FOLH1: variants seen among roughly 807,000 people sequenced by gnomAD.
The protein encoded by FOLH1 is folate hydrolase 1.
A neutral mutation model predicts 93.9 loss-of-function variants in FOLH1; 54 were observed. The observed-to-expected ratio is 0.57, with a 90% CI of 0.46 to 0.72. The LOEUF (loss-of-function observed/expected upper bound fraction) is 0.72, where lower values mean the gene tolerates loss of function less well. Ranked by LOEUF, FOLH1 falls within the 30% of genes least tolerant of loss-of-function variation. The pLI is 0.00. For missense variants in FOLH1, 571 were observed against 892.5 expected (o/e 0.64, Z 4.59); for synonymous variants, 249 against 303.6 (o/e 0.82, Z 1.87).
At chr11:49,167,802 C>G (rs1302928054) in intron 12 of FOLH1, among the ~76,000 whole-genome samples, 1 of 151,558 alleles carries the variant, frequency 6.6e-6, no homozygotes, top group Non-Finnish European at 1.5e-5. Flanking sequence ...CGGAGTGAGA[C>G]CCTGACTCAA....
rs1860992636 is a variant in FOLH1 at position 49,183,248 on chromosome 11, A to T, written c.827-6T>A. The T allele has an allele frequency of 6.2e-7, 1 of 1,602,962 alleles. No individual in the cohort carries two copies. Among genetic ancestry groups the T allele is most frequent in the African/African-American group, 1.3e-5 (1 of 74,444 alleles). Reference sequence around the variant, plus strand: ...TCCACGCCTATAAGCATATTCTGAAAAAAAAAATTGCCATATTTCCAGTAA... The same window carrying T: ...TCCACGCCTATAAGCATATTCTGAATAAAAAAATTGCCATATTTCCAGTAA... On this transcript the variant is annotated splice_region_variant and splice_polypyrimidine_tract_variant and intron_variant, in intron 6 of 18. Coordinates refer to ENST00000256999, the MANE Select transcript of FOLH1 (RefSeq NM_004476.3).
intron 1 of FOLH1, chr11:49,206,386 T>G: frequency 1.1e-6 from 1 of 869,646 alleles, no homozygotes. Context: ...TTGCAAAATA[T>G]TTCTTATCCA....
In FOLH1 at chr11:49,168,361, G is replaced by A. The variant is rs1255312792; in HGVS notation, c.1372+834C>T. ...GTCAAGATATAGATATATTAGTGGA[G>A]CTGGATTGTAGTGAAAATGGACTCT... On this transcript the variant is annotated intron_variant, in intron 12 of 18. Coordinates refer to ENST00000256999, the MANE Select transcript of FOLH1 (RefSeq NM_004476.3). 2.6e-5 allele frequency among the ~76,000 whole-genome samples: 4 copies of A among 152,094 alleles called. No homozygotes were observed. The East Asian group carries it at 7.7e-4, about 29-fold the overall frequency.
In FOLH1 at chr11:49,208,343, C is replaced by A. The variant is rs2135370039; in HGVS notation, c.67G>T (p.Ala23Ser). The change falls in exon 1 of 19, where the codon GCT (alanine) becomes TCT (serine). Residue 23 changes from alanine to serine, a missense_variant. Ala to Ser is a moderately conservative substitution (Grantham distance 99). Coordinates refer to ENST00000256999, the MANE Select transcript of FOLH1 (RefSeq NM_004476.3). Reference sequence around the variant, plus strand: ...CCACCCGCCAGCACCAGCGCCCCAGCGCACAGCCAGCGCGGGCGGCGCGCG... The same window carrying A: ...CCACCCGCCAGCACCAGCGCCCCAGAGCACAGCCAGCGCGGGCGGCGCGCG... ...ATARRPRWLC[A>S]GALVLAGGFF... The A allele has an allele frequency of 4.4e-6, 7 of 1,600,154 alleles. No individual in the cohort carries two copies. In the East Asian group the frequency reaches 6.8e-5, roughly 15 times the overall value.
At chr11:49,185,988 A>C in intron 5 of FOLH1, 133 bp from the exon 6 acceptor site, 2 of 1,140,988 alleles carry the variant, frequency 1.8e-6, no homozygotes, top group Non-Finnish European at 2.3e-6. Flanking sequence ...GCCTACAACA[A>C]AGGACATCTC....
At chr11:49,178,854 T>A (rs1240994157) in intron 7 of FOLH1, among the ~76,000 whole-genome samples, 1 of 152,208 alleles carries the variant, frequency 6.6e-6, no homozygotes, top group Admixed American at 6.5e-5. Context: ...TCTTGTAGCA[T>A]ATTAATTTTG....
chr11:49,207,888 G>C (rs1187963717), intron 1 of FOLH1: 1 of 462,154 alleles, frequency 2.2e-6, no homozygotes, highest in Non-Finnish European at 4.3e-6. Context: ...CAGTTCCCAA[G>C]CTTGCCTCTG....
intron 11 of FOLH1, 89 bp downstream of exon 11, chr11:49,171,106 T>C: frequency 7.3e-7 from 1 of 1,373,008 alleles, no homozygotes; most frequent in South Asian, 1.7e-5. Flanking sequence ...TTTCTCATTA[T>C]ATTCACTTCT....
intron 4 of FOLH1, among the ~76,000 whole-genome samples, chr11:49,189,403 G>C (rs746816213): frequency 4.6e-5 from 7 of 152,136 alleles, no homozygotes; most frequent in Non-Finnish European, 2.9e-5. Context: ...TTGTTTCCAA[G>C]CTGATTCTAG....
chr11:49,161,263 T>C (rs1857663778), intron 13 of FOLH1, among the ~76,000 whole-genome samples: 1 of 152,204 alleles, frequency 6.6e-6, no homozygotes. Flanking sequence ...GGAGTCTAAG[T>C]CTCTTTGAAG....
chr11:49,169,326 T>C, intron 11 of FOLH1, 68 bp from the exon 12 acceptor site: 1 of 1,447,944 alleles, frequency 6.9e-7, no homozygotes, highest in Non-Finnish European at 9.6e-7. Flanking sequence ...AAAATGCACA[T>C]CTACATTTAA....
chr11:49,149,723 T>G (rs1333454430), intron 17 of FOLH1, among the ~76,000 whole-genome samples: 1 of 152,190 alleles, frequency 6.6e-6, no homozygotes, highest in African/African-American at 2.4e-5. Context: ...TTGTTGAGAT[T>G]TTTTCCACAT....
At chr11:49,173,006 G>A (rs185585581) in intron 10 of FOLH1, among the ~76,000 whole-genome samples, 61 of 152,248 alleles carry the variant, frequency 4.0e-4, no homozygotes, top group East Asian at 2.1e-3. Flanking sequence ...ACGGAGGAAC[G>A]TCTGCTTACA....
At position 49,146,789 on chromosome 11, in the gene FOLH1, C is replaced by T. The variant is rs1316211155; in HGVS notation, c.2220G>A (p.Gln740=). The stretch of plus-strand genomic sequence containing the variant: ...CTTCACTCAAAGTCTCTGCAGCTGC[C>T]TGCACTGTGAAGGCTGCAACATAAA... ...RQIYVAAFTV[Q]AAAETLSEVA Residue 740 remains glutamine (Q), a synonymous_variant, in exon 19 of 19, where the codon CAG becomes CAA. Coordinates refer to ENST00000256999, the MANE Select transcript of FOLH1 (RefSeq NM_004476.3). The T allele has an allele frequency of 4.3e-6, 7 of 1,613,236 alleles. No individual in the cohort carries two copies. Among genetic ancestry groups the T allele is most frequent in the Non-Finnish European group, 5.9e-6 (7 of 1,179,508 alleles).
chr11:49,148,565 C>T, intron 18 of FOLH1, 74 bp downstream of exon 18: 2 of 1,132,728 alleles, frequency 1.8e-6, no homozygotes, highest in African/African-American at 1.6e-5. Context: ...AATATTTTTT[C>T]CACAGTGAAA....
chr11:49,182,594 ATG>A (rs1491487377), intron 7 of FOLH1, among the ~76,000 whole-genome samples: 1 of 152,238 alleles, frequency 6.6e-6, no homozygotes, highest in Non-Finnish European at 1.5e-5. Context: ...AGGGAAAAGC[ATG>A]TGTGGAAAAT....
intron 1 of FOLH1, 87 bp downstream of exon 1, chr11:49,208,205 A>T: frequency 3.1e-6 from 3 of 976,112 alleles, no homozygotes; most frequent in East Asian, 2.6e-5. Flanking sequence ...CAGCAACAGG[A>T]TCCCACTCGG....
At position 49,187,038 on chromosome 11, in the gene FOLH1, C is replaced by T. The variant is rs192098163; in HGVS notation, c.514-269G>A. Among the ~76,000 whole-genome samples, 22 of 151,018 alleles carry T rather than the reference C, an allele frequency of 1.5e-4. No individual in the cohort carries two copies. In the East Asian group the frequency reaches 2.5e-3, roughly 17 times the overall value. On this transcript the variant is annotated intron_variant, in intron 4 of 18. Coordinates refer to ENST00000256999, the MANE Select transcript of FOLH1 (RefSeq NM_004476.3). ...ACGAAGCTGAAGCTACAGAAGCACC[C>T]CCCCCACACACACACAGAAAAGCAT...
chr11:49,176,045 T>C, intron 7 of FOLH1, 88 bp from the exon 8 acceptor site: 1 of 1,172,480 alleles, frequency 8.5e-7, no homozygotes, highest in African/African-American at 1.5e-5. Context: ...ATTGAGCATC[T>C]GCTCATAATA....
Sources: allele counts gnomAD v4.1 joint callset (sites outside exome capture counted in the v4.1 genomes callset), GRCh38; gene constraint gnomAD v4.1.1; transcripts MANE v1.5; gene names NCBI Gene and HGNC (gene_info 2026-07-23, HGNC 2026-07-21).